SPAST: variants seen among roughly 807,000 people sequenced by gnomAD.
The protein encoded by SPAST is spastic paraplegia 4 (autosomal dominant; spastin).
SPAST carries 30 observed loss-of-function variants against 76.6 expected under a neutral mutation model. The observed-to-expected ratio is 0.39, with a 90% CI of 0.29 to 0.53. The LOEUF (loss-of-function observed/expected upper bound fraction) is 0.53. Among genes scored for constraint, SPAST ranks in the 20% least tolerant of loss-of-function variants. SPAST has a pLI of 0.68. For synonymous variants in SPAST, 305 were observed against 281.0 expected (o/e 1.09, Z -0.86); for missense variants, 717 against 770.5 (o/e 0.93, Z 0.82).
At chr2:32,138,008 C>T (rs1219599179) in intron 12 of SPAST, among the ~76,000 whole-genome samples, 1 of 152,110 alleles carries the variant, frequency 6.6e-6, no homozygotes, top group African/African-American at 2.4e-5. Context: ...TTTATGGCTG[C>T]GTAGTACATA....
intron 12 of SPAST, among the ~76,000 whole-genome samples, chr2:32,138,038 TACC>T (rs1465778417): frequency 6.6e-6 from 1 of 152,236 alleles, no homozygotes; most frequent in Non-Finnish European, 1.5e-5. Context: ...GGTGTGTACG[TACC>T]ACATTTTCTT....
chr2:32,147,565 A>G lies in SPAST; in HGVS notation c.1728+307A>G, dbSNP rs376998132. Reference sequence around the variant, plus strand: ...CTCCTGACCTCAAGTGATCCACCCAACTCGGCCTCCCAAAGTGCTGGGATT... The same window carrying G: ...CTCCTGACCTCAAGTGATCCACCCAGCTCGGCCTCCCAAAGTGCTGGGATT... On this transcript the variant is annotated intron_variant, in intron 16 of 16. Transcript: ENST00000315285. Among the ~76,000 whole-genome samples, 37 of 151,320 alleles carry G rather than the reference A, an allele frequency of 2.4e-4. No homozygotes were observed. In the South Asian group the frequency reaches 4.4e-3, roughly 18 times the overall value.
At chr2:32,130,266 A>T (rs1679325926) in intron 9 of SPAST, 1 of 151,998 alleles carries the variant, frequency 6.6e-6, no homozygotes, top group African/African-American at 2.4e-5. Context: ...ATGCATTCCA[A>T]CCTGGGCGTC....
At chr2:32,146,956 G>C (rs1679907812) in intron 15 of SPAST, among the ~76,000 whole-genome samples, 2 of 148,162 alleles carry the variant, frequency 1.3e-5, no homozygotes, top group Non-Finnish European at 3.0e-5. Context: ...ATTCTTTTAA[G>C]TTCCCTTTCA....
intron 3 of SPAST, 68 bp downstream of exon 3, chr2:32,089,673 T>C (rs113767542): frequency 6.0e-6 from 5 of 828,930 alleles, no homozygotes; most frequent in African/African-American, 3.4e-5. Context: ...CTTTAATTTG[T>C]AGAAAGAAAT....
chr2:32,082,096 G>A (rs1573058543), intron 1 of SPAST, among the ~76,000 whole-genome samples: 1 of 140,446 alleles, frequency 7.1e-6, no homozygotes, highest in Non-Finnish European at 1.5e-5. Context: ...TTCAAGCAGC[G>A]ATTCTCCTGC....
intron 13 of SPAST, among the ~76,000 whole-genome samples, chr2:32,142,286 G>A (rs1679745076): frequency 6.6e-6 from 1 of 152,104 alleles, no homozygotes; most frequent in African/African-American, 2.4e-5. Flanking sequence ...CATTATACAT[G>A]CTGCATACTC....
intron 1 of SPAST, among the ~76,000 whole-genome samples, chr2:32,078,830 A>G (rs989629132): frequency 6.6e-6 from 1 of 152,136 alleles, no homozygotes; most frequent in African/African-American, 2.4e-5. Context: ...ATATTTTGGA[A>G]TTTTTTTCAT....
intron 16 of SPAST, among the ~76,000 whole-genome samples, chr2:32,151,217 G>C (rs577909762): frequency 1.6e-3 from 240 of 152,138 alleles, no homozygotes; most frequent in Non-Finnish European, 2.1e-3. Context: ...TGCTGGGATT[G>C]CAGGTGTGAG....
chr2:32,138,502 TC>T (rs1172887665), intron 12 of SPAST, among the ~76,000 whole-genome samples: 9 of 152,210 alleles, frequency 5.9e-5, no homozygotes, highest in African/African-American at 2.2e-4. Flanking sequence ...TCTATTCATT[TC>T]CTTTTTACCC....
In SPAST at chr2:32,114,484, A is replaced by G. The variant is rs113269742; in HGVS notation, c.683-154A>G. 4.7e-4 allele frequency among the ~76,000 whole-genome samples: 71 copies of G among 152,308 alleles called. 1 individual carries two copies. The highest frequency in any genetic ancestry group is 3.4e-4 in the Non-Finnish European group (23 of 68,020). ...TCCTATCTACCTAGTGACCACCCCT[A>G]TGAAGATCCTGGTACATGTTCTCAT... On this transcript the variant is annotated intron_variant, in intron 4 of 16. Coordinates refer to ENST00000315285, the MANE Select transcript of SPAST (RefSeq NM_014946.4).
chr2:32,114,764 G>A lies in SPAST; in HGVS notation c.809G>A (p.Ser270Asn), dbSNP rs1402023338. ...LSGHHRAPSY[S>N]GLSMVSGVKQ... ...GGCCACCATAGAGCACCTAGTTACA[G>A]TGGTTTATCCATGGTTTCTGGAGTG... The change falls in exon 5 of 17, where the codon AGT becomes AAT. Residue 270 changes from serine to asparagine, a missense_variant. Physicochemically the swap from Ser to Asn is conservative, Grantham distance 46. Transcript: ENST00000315285. 1 of 1,614,122 alleles carries A rather than the reference G, an allele frequency of 6.2e-7. No individual in the cohort carries two copies. Among genetic ancestry groups the A allele is most frequent in the East Asian group, 2.2e-5 (1 of 44,870 alleles).
Position 32,115,614 on chromosome 2 carries a change from T to G in SPAST, c.871-88T>G, listed in dbSNP as rs1253002205. The G allele has an allele frequency of 3.9e-6, 4 of 1,026,942 alleles. No homozygotes were observed. In the East Asian group the frequency reaches 9.7e-5, roughly 25 times the overall value. The allele number at this position is 1,026,942 out of a possible 1,614,324, so 63.6% of individuals were successfully genotyped here. A position where few individuals can be genotyped will look rare whatever the true frequency, so the allele number is the denominator to read the frequency against. On this transcript the variant is annotated intron_variant, in intron 5 of 16. Coordinates refer to ENST00000315285, the MANE Select transcript of SPAST (RefSeq NM_014946.4). ...TACCCTTTTTCCTATTTTTAAAGCTTGAATTCTGTGAACTTTAAGGTTAAC... is the reference window on the plus strand; with the variant it reads ...TACCCTTTTTCCTATTTTTAAAGCTGGAATTCTGTGAACTTTAAGGTTAAC...
chr2:32,080,473 G>T (rs1388225005), intron 1 of SPAST, among the ~76,000 whole-genome samples: 2 of 152,176 alleles, frequency 1.3e-5, no homozygotes, highest in Non-Finnish European at 2.9e-5. Flanking sequence ...ACTACAAGTG[G>T]TTGTAAGTTT....
chr2:32,141,999 C>A, intron 13 of SPAST, 53 bp downstream of exon 13: 2 of 1,310,142 alleles, frequency 1.5e-6, no homozygotes, highest in South Asian at 1.2e-5. Context: ...CAAGAACTAC[C>A]ATCTTGACAA....
chr2:32,064,003 T>C lies in SPAST; in HGVS notation c.172T>C (p.Phe58Leu). 6.2e-7 allele frequency: 1 copy of C among 1,613,046 alleles called. No homozygotes were observed. Among genetic ancestry groups the C allele is most frequent in the Non-Finnish European group, 8.5e-7 (1 of 1,179,358 alleles). ...RNLYYFSYPL[F>L]VGFALLRLVA... Reference sequence around the variant, plus strand: ...CCTGTACTATTTCTCCTACCCGCTGTTTGTAGGCTTCGCGCTGCTGCGTTT... The same window carrying C: ...CCTGTACTATTTCTCCTACCCGCTGCTTGTAGGCTTCGCGCTGCTGCGTTT... Residue 58 changes from phenylalanine (F) to leucine (L), a missense_variant, in exon 1 of 17, where the codon TTT (phenylalanine) becomes CTT (leucine). Around this residue, in one of 3 missense-constraint regions of SPAST, gnomAD observed 543 missense variants for 445.2 expected, o/e 1.22. Transcript: ENST00000315285.
At chr2:32,144,454 A>G (rs1174516912) in intron 14 of SPAST, among the ~76,000 whole-genome samples, 1 of 152,226 alleles carries the variant, frequency 6.6e-6, no homozygotes, top group African/African-American at 2.4e-5. Context: ...AATTTGAGGC[A>G]TTACTACATT....
chr2:32,119,062 G>C (rs916125510), intron 7 of SPAST, among the ~76,000 whole-genome samples: 2 of 152,172 alleles, frequency 1.3e-5, no homozygotes, highest in Non-Finnish European at 2.9e-5. Flanking sequence ...AGAAACCTTA[G>C]TAAACTTAGC....
chr2:32,128,973 A>C, intron 9 of SPAST: 2 of 182,562 alleles, frequency 1.1e-5, no homozygotes, highest in Non-Finnish European at 1.2e-5. Context: ...GTGGATTAGG[A>C]CCCACCCTAA....
Sources: gnomAD v4.1 joint callset for allele counts (sites outside exome capture counted in the v4.1 genomes callset) on GRCh38, gnomAD v4.1.1 for gene constraint, gnomAD v4.1.1 regional missense constraint, MANE v1.5 for transcripts, NCBI Gene and HGNC (gene_info 2026-07-23, HGNC 2026-07-21) for gene names.